DCAF1: variants seen among roughly 807,000 people sequenced by gnomAD.
DCAF1 encodes DDB1- and CUL4-associated factor 1.
A neutral mutation model predicts 128.0 loss-of-function variants in DCAF1; 15 were observed. That is an observed-to-expected ratio of 0.12 (90% CI 0.08 to 0.18). The LOEUF is 0.18. DCAF1 is among the 10% of genes least tolerant of loss of function. The pLI, the probability that DCAF1 is intolerant of heterozygous loss-of-function variation, is 1.00. For synonymous variants in DCAF1, 610 were observed against 603.0 expected, an observed-to-expected ratio of 1.01 and a Z score of -0.17; for missense variants, 988 against 1,649.5, an observed-to-expected ratio of 0.60 and a Z score of 6.95.
rs182732089 is a variant in DCAF1, at chr3:51,487,204, G to C, written c.-8-3368C>G. ...CCAGTCTGGTCTCGATCTCTTGACC[G>C]CGTGATCCGCCCACCTCAGCTTCCT... On this transcript the variant is annotated intron_variant, in intron 2 of 24. Coordinates refer to ENST00000684031, the MANE Select transcript of DCAF1 (RefSeq NM_001387579.1). Among the ~76,000 whole-genome samples, 39 of 151,428 alleles carry C rather than the reference G, an allele frequency of 2.6e-4. No individual in the cohort carries two copies. In the East Asian group the frequency reaches 5.5e-3, roughly 21 times the overall value.
intron 6 of DCAF1, among the ~76,000 whole-genome samples, chr3:51,445,896 T>C (rs1366065793): frequency 1.3e-5 from 2 of 152,164 alleles, no homozygotes; most frequent in Non-Finnish European, 2.9e-5. Flanking sequence ...ATTAAATAAG[T>C]TCTGCATTTT....
chr3:51,423,819 C>CAAAAAA (rs200404018), intron 13 of DCAF1, among the ~76,000 whole-genome samples: 1 of 70,654 alleles, frequency 1.4e-5, no homozygotes, highest in Non-Finnish European at 3.2e-5. Context: ...GACTCCGTTT[C>CAAAAAA]AAAAAAAAAA....
At chr3:51,454,565 G>T (rs1553642338) in intron 6 of DCAF1, among the ~76,000 whole-genome samples, 1 of 151,852 alleles carries the variant, frequency 6.6e-6, no homozygotes, top group Non-Finnish European at 1.5e-5. Context: ...GTTTTGCCAT[G>T]TTGGCCAGAC....
At chr3:51,460,686 C>T (rs1210865802) in intron 6 of DCAF1, among the ~76,000 whole-genome samples, 1 of 152,170 alleles carries the variant, frequency 6.6e-6, no homozygotes, top group Non-Finnish European at 1.5e-5. Flanking sequence ...GTAACCAAAA[C>T]AGCATGGTAC....
At chr3:51,432,970 T>C in intron 10 of DCAF1, 136 bp downstream of exon 10, 1 of 395,120 alleles carries the variant, frequency 2.5e-6, no homozygotes, top group Non-Finnish European at 4.5e-6. Context: ...TAGACTTTCA[T>C]GTTCCTTGTT....
chr3:51,400,685 G>C (rs1294000648), intron 24 of DCAF1, among the ~76,000 whole-genome samples: 2 of 151,844 alleles, frequency 1.3e-5, no homozygotes, highest in Non-Finnish European at 2.9e-5. Context: ...TCCAAGTGTT[G>C]AAGTGACCCA....
chr3:51,452,095 G>A (rs1297163581), intron 6 of DCAF1, among the ~76,000 whole-genome samples: 3 of 151,846 alleles, frequency 2.0e-5, no homozygotes, highest in Non-Finnish European at 4.4e-5. Flanking sequence ...TGTCTCCCAG[G>A]CTGGAAAGCA....
intron 17 of DCAF1, 124 bp downstream of exon 17, chr3:51,417,992 G>A (rs532731415): frequency 2.4e-6 from 3 of 1,230,390 alleles, no homozygotes; most frequent in South Asian, 1.6e-5. Flanking sequence ...ATGAGGAAGA[G>A]AGAAGTTAAC....
intron 18 of DCAF1, 124 bp from the exon 19 acceptor site, chr3:51,414,981 A>G: frequency 7.3e-7 from 1 of 1,376,002 alleles, no homozygotes; most frequent in East Asian, 2.5e-5. Flanking sequence ...ATCAATGATT[A>G]CCACAGAATA....
chr3:51,413,881 A>G (rs1698648169), intron 20 of DCAF1, 69 bp downstream of exon 20: 2 of 1,356,434 alleles, frequency 1.5e-6, no homozygotes, highest in African/African-American at 3.0e-5. Flanking sequence ...TGGTTCCAAA[A>G]AGAAGTATCA....
chr3:51,456,436 C>A (rs1702917746), intron 6 of DCAF1, among the ~76,000 whole-genome samples: 1 of 152,220 alleles, frequency 6.6e-6, no homozygotes, highest in Non-Finnish European at 1.5e-5. Flanking sequence ...GGGTGGAACC[C>A]ACCACAGCTC....
intron 6 of DCAF1, among the ~76,000 whole-genome samples, chr3:51,446,781 TGA>T (rs1451255621): frequency 6.6e-6 from 1 of 151,406 alleles, no homozygotes; most frequent in Non-Finnish European, 1.5e-5. Flanking sequence ...GTCAACATGG[TGA>T]AACCCCCATC....
At position 51,465,917 on chromosome 3, in the gene DCAF1, G is replaced by A. The variant is rs150176415; in HGVS notation, c.261+886C>T. 7.0e-3 allele frequency among the ~76,000 whole-genome samples: 1,068 copies of A among 152,176 alleles called. 4 individuals carry two copies. The highest frequency in any genetic ancestry group is 0.024 in the Middle Eastern group (7 of 294). On this transcript the variant is annotated intron_variant, in intron 5 of 24. Transcript: ENST00000684031. ...TTATAGACTAGAAAAATAAGGCTGC[G>A]GCTGGGTGCAGTGGTTCACGTCTGT...
At chr3:51,423,219 C>T (rs1553633071) in intron 13 of DCAF1, among the ~76,000 whole-genome samples, 1 of 152,170 alleles carries the variant, frequency 6.6e-6, no homozygotes, top group Non-Finnish European at 1.5e-5. Flanking sequence ...CAGGGCCAGG[C>T]GTGGTCTCAT....
intron 2 of DCAF1, among the ~76,000 whole-genome samples, chr3:51,485,580 A>C (rs1706837658): frequency 6.6e-6 from 1 of 152,220 alleles, no homozygotes; most frequent in Non-Finnish European, 1.5e-5. Flanking sequence ...CTGCCACGCA[A>C]AATGCGTATC....
At chr3:51,463,862 G>A (rs145048483) in intron 5 of DCAF1, among the ~76,000 whole-genome samples, 68 of 152,040 alleles carry the variant, frequency 4.5e-4, no homozygotes, top group Non-Finnish European at 7.7e-4. Context: ...ACACTTTAAT[G>A]ATTTTTTTTA....
intron 2 of DCAF1, among the ~76,000 whole-genome samples, chr3:51,491,040 G>GAAAA: frequency 7.8e-6 from 1 of 128,276 alleles, no homozygotes; most frequent in African/African-American, 2.9e-5. Context: ...AACAATCTTG[G>GAAAA]AAAAAAAAAA....
At chr3:51,477,917 T>C (rs931823940) in intron 3 of DCAF1, among the ~76,000 whole-genome samples, 10 of 151,850 alleles carry the variant, frequency 6.6e-5, no homozygotes, top group African/African-American at 1.4e-4. Context: ...TATATATATA[T>C]ACACACACAC....
chr3:51,500,097 G>T, upstream of DCAF1: 1 of 118,112 alleles, frequency 8.5e-6, no homozygotes. Context: ...GGCGGGAAGA[G>T]AACGCCTGCA....
Sources: gnomAD v4.1 joint callset for allele counts (sites outside exome capture counted in the v4.1 genomes callset) on GRCh38, gnomAD v4.1.1 for gene constraint, MANE v1.5 for transcripts, NCBI Gene and HGNC (gene_info 2026-07-23, HGNC 2026-07-21) for gene names.